PPP2R5E: variants seen among roughly 807,000 people sequenced by gnomAD.
PPP2R5E encodes protein phosphatase 2 regulatory subunit B'epsilon, also known as serine/threonine-protein phosphatase 2A 56 kDa regulatory subunit epsilon isoform.
In PPP2R5E, 4 loss-of-function variants were observed where a neutral mutation model predicts 65.3. The ratio of observed to expected loss-of-function variants is 0.06; its 90% CI spans 0.03 to 0.14. The LOEUF (loss-of-function observed/expected upper bound fraction) is 0.14, where lower values mean the gene tolerates loss of function less well. Among genes scored for constraint, PPP2R5E ranks in the 10% least tolerant of loss-of-function variants. PPP2R5E has a pLI of 1.00. For missense variants in PPP2R5E, 274 were observed against 556.1 expected (o/e 0.49, Z 5.10); for synonymous variants, 183 against 187.4 (o/e 0.98, Z 0.19).
At chr14:63,518,222 T>A (rs1482839740) in intron 2 of PPP2R5E, among the ~76,000 whole-genome samples, 1 of 152,080 alleles carries the variant, frequency 6.6e-6, no homozygotes, top group East Asian at 1.9e-4. Context: ...ATTACAAGCA[T>A]AAGCCAACAT....
At position 63,475,782 on chromosome 14, in the gene PPP2R5E, T is replaced by C. The variant is rs540363473; in HGVS notation, c.158-21897A>G. On this transcript the variant is annotated intron_variant, in intron 2 of 13. Transcript: ENST00000337537. The stretch of plus-strand genomic sequence containing the variant: ...TGATAAAATATTAAAAAACATAAGA[T>C]AGTTTTTTTAAATAGCATGCATTCA... Among the ~76,000 whole-genome samples the C allele has an allele frequency of 8.8e-3, 1,150 of 130,414 alleles. 13 individuals are homozygous for C. Among genetic ancestry groups the C allele is most frequent in the African/African-American group, 0.038 (1,105 of 29,258 alleles). 85.6% of individuals were successfully genotyped at this position (130,414 alleles called of 152,430 possible).
At chr14:63,444,989 C>A (rs1888404202) in intron 3 of PPP2R5E, among the ~76,000 whole-genome samples, 1 of 152,166 alleles carries the variant, frequency 6.6e-6, no homozygotes, top group Non-Finnish European at 1.5e-5. Flanking sequence ...TTCAAAATTT[C>A]TTAGACTGTG....
In PPP2R5E at chr14:63,414,042, G is replaced by C. The variant is rs144369640; in HGVS notation, c.549+1098C>G. ...TTTAATTCCACTTAGCCTTACTTAG[G>C]ATGTAGAGAGGCCTCCATGCCCCTC... On this transcript the variant is annotated intron_variant, in intron 5 of 13. Coordinates refer to ENST00000337537, the MANE Select transcript of PPP2R5E (RefSeq NM_006246.5). 2.0e-3 allele frequency among the ~76,000 whole-genome samples: 307 copies of C among 152,264 alleles called. 9 individuals are homozygous for C. In the East Asian group the frequency reaches 0.056, roughly 28 times the overall value.
chr14:63,475,885 G>A (rs1212446144), intron 2 of PPP2R5E, among the ~76,000 whole-genome samples: 2 of 152,080 alleles, frequency 1.3e-5, no homozygotes, highest in Non-Finnish European at 1.5e-5. Flanking sequence ...GGAAAGCCAA[G>A]CTAAAATGAA....
intron 2 of PPP2R5E, among the ~76,000 whole-genome samples, chr14:63,516,028 T>A (rs1423947274): frequency 6.6e-6 from 1 of 151,572 alleles, no homozygotes; most frequent in Non-Finnish European, 1.5e-5. Flanking sequence ...TTTTTGTATT[T>A]TTAGTAGAGA....
At chr14:63,459,557 C>T (rs1016613676) in intron 2 of PPP2R5E, among the ~76,000 whole-genome samples, 3 of 152,118 alleles carry the variant, frequency 2.0e-5, no homozygotes, top group Admixed American at 6.5e-5. Context: ...AAAACTAACC[C>T]AGAACCAATC....
chr14:63,504,750 C>T (rs1044992003), intron 2 of PPP2R5E, among the ~76,000 whole-genome samples: 5 of 152,104 alleles, frequency 3.3e-5, no homozygotes, highest in East Asian at 1.9e-4. Context: ...GTGCCTTACA[C>T]GTCTTAGTCA....
At chr14:63,377,117 C>A (rs757466623) in intron 13 of PPP2R5E, among the ~76,000 whole-genome samples, 23 of 151,632 alleles carry the variant, frequency 1.5e-4, no homozygotes, top group Middle Eastern at 3.2e-3. Flanking sequence ...CCACTGCACT[C>A]CAGTCTGGGG....
At chr14:63,384,916 G>A (rs535957756) in intron 11 of PPP2R5E, among the ~76,000 whole-genome samples, 3 of 151,988 alleles carry the variant, frequency 2.0e-5, no homozygotes, top group Non-Finnish European at 4.4e-5. Flanking sequence ...GGATGGTCTC[G>A]ATCTCCTGAC....
At chr14:63,443,378 A>G (rs1251754676) in intron 3 of PPP2R5E, among the ~76,000 whole-genome samples, 2 of 152,224 alleles carry the variant, frequency 1.3e-5, no homozygotes, top group Non-Finnish European at 2.9e-5. Context: ...AGACAAAATA[A>G]AAATAATAAC....
chr14:63,394,022 G>T (rs1048286349), intron 7 of PPP2R5E, 94 bp from the exon 8 acceptor site: 277 of 429,660 alleles, frequency 6.4e-4, no homozygotes, highest in African/African-American at 5.3e-3. Context: ...TAATCAGTTT[G>T]TTTGTACAAA....
At chr14:63,530,622 C>CTCAA in intron 2 of PPP2R5E, among the ~76,000 whole-genome samples, 1 of 145,160 alleles carries the variant, frequency 6.9e-6, no homozygotes, top group South Asian at 2.2e-4. Context: ...TACACTGACT[C>CTCAA]TCAATTTCTT....
intron 3 of PPP2R5E, among the ~76,000 whole-genome samples, chr14:63,426,466 G>A (rs1324903924): frequency 1.3e-5 from 2 of 151,956 alleles, no homozygotes; most frequent in African/African-American, 4.8e-5. Context: ...ATTGAAAATT[G>A]TGTGATTATA....
intron 2 of PPP2R5E, among the ~76,000 whole-genome samples, chr14:63,483,801 G>A (rs557724786): frequency 1.3e-5 from 2 of 151,944 alleles, no homozygotes; most frequent in African/African-American, 4.8e-5. Context: ...AAAAGCTCCC[G>A]AGGCCAGGCA....
At chr14:63,421,624 T>C (rs1887029252) in intron 4 of PPP2R5E, among the ~76,000 whole-genome samples, 4 of 152,220 alleles carry the variant, frequency 2.6e-5, no homozygotes, top group African/African-American at 9.6e-5. Flanking sequence ...CCAGGGTACA[T>C]ACCACTAAAA....
chr14:63,510,174 C>T (rs918465839), intron 2 of PPP2R5E, among the ~76,000 whole-genome samples: 2 of 152,104 alleles, frequency 1.3e-5, no homozygotes, highest in Admixed American at 6.5e-5. Context: ...ATCACAACAC[C>T]GGTCCAGCTG....
intron 5 of PPP2R5E, among the ~76,000 whole-genome samples, chr14:63,407,358 G>T (rs1363872604): frequency 4.6e-5 from 7 of 152,110 alleles, no homozygotes. Context: ...ATTTTCAAAG[G>T]GCAGATACAA....
chr14:63,530,200 C>G (rs572369368), intron 2 of PPP2R5E, among the ~76,000 whole-genome samples: 1 of 150,518 alleles, frequency 6.6e-6, no homozygotes, highest in Non-Finnish European at 1.5e-5. Context: ...CAGAAATCCA[C>G]GAACCCTAAG....
chr14:63,495,994 CA>C (rs1210073945), intron 2 of PPP2R5E, among the ~76,000 whole-genome samples: 2 of 152,094 alleles, frequency 1.3e-5, no homozygotes, highest in African/African-American at 4.8e-5. Context: ...CCCAGCCAAG[CA>C]TATGGTTAAG....
Sources: allele counts gnomAD v4.1 joint callset (sites outside exome capture counted in the v4.1 genomes callset), GRCh38; gene constraint gnomAD v4.1.1; transcripts MANE v1.5; gene names NCBI Gene and HGNC (gene_info 2026-07-23, HGNC 2026-07-21).